Variants in MGA observed in about 807,000 individuals in gnomAD.
MGA encodes the protein MAX gene-associated protein.
In MGA, 40 loss-of-function variants were observed where a neutral mutation model predicts 261.1. The observed-to-expected ratio is 0.15, with a 90% confidence interval of 0.12 to 0.20. MGA has a LOEUF of 0.20. MGA is among the 10% of genes least tolerant of loss of function. The pLI, the probability that MGA is intolerant of heterozygous loss-of-function variation, is 1.00. For missense variants in MGA, 3,397 were observed against 3,630.5 expected (o/e 0.94, Z 1.65); for synonymous variants, 1,302 against 1,290.6 (o/e 1.01, Z -0.19).
At chr15:41,661,512 CG>C (rs1239574099) in intron 1 of MGA, among the ~76,000 whole-genome samples, 1 of 152,000 alleles carries the variant, frequency 6.6e-6, no homozygotes, top group Non-Finnish European at 1.5e-5. Flanking sequence ...TTTCTCTGGC[CG>C]GGGTGGAAGC....
chr15:41,754,246 G>T (rs552255868), intron 17 of MGA, among the ~76,000 whole-genome samples, 191 bp from the exon 18 acceptor site: 48 of 152,116 alleles, frequency 3.2e-4, no homozygotes, highest in African/African-American at 1.1e-3. Flanking sequence ...GTTCTTGATT[G>T]TTAATTCTAA....
At chr15:41,657,072 G>A (rs148913177), upstream of MGA, among the ~76,000 whole-genome samples, 376 of 151,978 alleles carry the variant, frequency 2.5e-3, no homozygotes, top group African/African-American at 8.6e-3. Flanking sequence ...GAACCACTGC[G>A]CCCAGCCCAG....
Position 41,714,163 on chromosome 15 carries a change from G to T in MGA, c.3430+667G>T, listed in dbSNP as rs542164843. Among the ~76,000 whole-genome samples, 140 of 152,102 alleles carry T rather than the reference G, an allele frequency of 9.2e-4. 2 individuals carry two copies. The South Asian group carries it at 0.029, about 31-fold the overall frequency. On this transcript the variant is annotated intron_variant, in intron 9 of 23. Coordinates refer to ENST00000219905, the MANE Select transcript of MGA (RefSeq NM_001164273.2). ...CAGGGGATTAATACTCCTTTTCTTG[G>T]CAATTTATGTTTACACTTCCTGTTG...
chr15:41,750,403 G>C lies in MGA; in HGVS notation c.6796G>C (p.Gly2266Arg). The C allele has an allele frequency of 1.2e-6, 2 of 1,613,950 alleles. No homozygotes were observed. The highest frequency in any genetic ancestry group is 1.7e-6 in the Non-Finnish European group (2 of 1,179,884). Residue 2266 changes from glycine (G) to arginine (R), a missense_variant, in exon 17 of 24, where the codon GGG becomes CGG. Around this residue, in one of 9 missense-constraint regions of MGA, gnomAD observed 1,410 missense variants for 1,386.4 expected, o/e 1.02. Coordinates refer to ENST00000219905, the MANE Select transcript of MGA (RefSeq NM_001164273.2). The stretch of plus-strand genomic sequence containing the variant: ...TAGGAGAGCTGCAAAAAGCAGCAGA[G>C]GGAATGGACATTTTCAGGGTCACTT...
chr15:41,625,484 C>T (rs1014541344), intron 1 of MGA, among the ~76,000 whole-genome samples: 5 of 151,078 alleles, frequency 3.3e-5, no homozygotes, highest in Non-Finnish European at 7.4e-5. Flanking sequence ...CAGGCACACA[C>T]TAAACGCTTG....
intron 6 of MGA, 29 bp downstream of exon 6, chr15:41,707,888 C>T: frequency 6.3e-7 from 1 of 1,589,084 alleles, no homozygotes; most frequent in Non-Finnish European, 8.5e-7. Flanking sequence ...TAAAGTCAAA[C>T]ACTATTTTTC....
At position 41,710,946 on chromosome 15, in the gene MGA, T is replaced by C; in HGVS notation, c.2681T>C (p.Val894Ala). 1 of 1,613,968 alleles carries C rather than the reference T, an allele frequency of 6.2e-7. No individual in the cohort carries two copies. Among genetic ancestry groups the C allele is most frequent in the Non-Finnish European group, 8.5e-7 (1 of 1,179,886 alleles). ...TTGAAACCTCATTCTGTACCCCCTG[T>C]CTCTCGAAAGGCAAAGTCTCAAAAC... The change falls in exon 8 of 24, where the codon GTC (valine) becomes GCC (alanine). Residue 894 changes from valine to alanine, a missense_variant. This residue lies in a region of MGA where 519 missense variants were observed against 554.1 expected (regional missense o/e 0.94). Transcript: ENST00000219905.
At chr15:41,690,966 C>A (rs1295416252) in intron 2 of MGA, among the ~76,000 whole-genome samples, 1 of 143,756 alleles carries the variant, frequency 7.0e-6, no homozygotes, top group Non-Finnish European at 1.5e-5. Context: ...CCTCTGAGAA[C>A]TTTGTTTCTA....
chr15:41,718,013 T>C (rs1406909673), intron 9 of MGA, among the ~76,000 whole-genome samples: 3 of 141,834 alleles, frequency 2.1e-5, no homozygotes, highest in Non-Finnish European at 4.6e-5. Flanking sequence ...AGACCCTGTC[T>C]CAAAAAAAAA....
chr15:41,745,744 A>G (rs1426644033), intron 15 of MGA, among the ~76,000 whole-genome samples: 3 of 151,834 alleles, frequency 2.0e-5, no homozygotes, highest in Non-Finnish European at 4.4e-5. Context: ...AGCTGGGATC[A>G]TAGGCTTGTG....
intron 7 of MGA, among the ~76,000 whole-genome samples, chr15:41,709,917 G>A (rs2060305151): frequency 6.6e-6 from 1 of 151,674 alleles, no homozygotes; most frequent in Admixed American, 6.6e-5. Context: ...CCCGTCTCGG[G>A]TTCAAGCAAT....
intron 1 of MGA, among the ~76,000 whole-genome samples, chr15:41,647,202 T>A (rs987143907): frequency 2.0e-5 from 3 of 152,224 alleles, no homozygotes; most frequent in Non-Finnish European, 4.4e-5. Context: ...CACAAACTTG[T>A]GCTTACAATT....
chr15:41,710,403 AGTTT>A (rs2060330960), intron 7 of MGA, among the ~76,000 whole-genome samples: 2 of 152,080 alleles, frequency 1.3e-5, no homozygotes, highest in Non-Finnish European at 2.9e-5. Context: ...GAGGAGGGAT[AGTTT>A]GTTTATTAAG....
chr15:41,653,926 C>G (rs115299194), intron 1 of MGA, among the ~76,000 whole-genome samples: 1 of 152,124 alleles, frequency 6.6e-6, no homozygotes, highest in Non-Finnish European at 1.5e-5. Context: ...GGTTTCACTA[C>G]ACTGTTCTGT....
intron 22 of MGA, among the ~76,000 whole-genome samples, chr15:41,763,245 G>T (rs944958242): frequency 6.6e-6 from 1 of 150,510 alleles, no homozygotes; most frequent in Admixed American, 6.6e-5. Context: ...GACTATAGGC[G>T]CCTGCCACTA....
At chr15:41,632,593 C>T (rs1246362374) in intron 1 of MGA, among the ~76,000 whole-genome samples, 3 of 152,184 alleles carry the variant, frequency 2.0e-5, no homozygotes, top group Non-Finnish European at 2.9e-5. Flanking sequence ...CAGACCTTGG[C>T]AAGCCAACAT....
chr15:41,710,625 GT>G lies in MGA; in HGVS notation c.2426-61del. 10 of 1,439,688 alleles carry G rather than the reference GT, an allele frequency of 6.9e-6. No individual in the cohort carries two copies. In the South Asian group the frequency reaches 1.4e-4, roughly 20 times the overall value. 89.2% of individuals were successfully genotyped at this position (1,439,688 alleles called of 1,614,324 possible). A position where few individuals can be genotyped will look rare whatever the true frequency, so the allele number is the denominator to read the frequency against. On this transcript the variant is annotated intron_variant, in intron 7 of 23. Coordinates refer to ENST00000219905, the MANE Select transcript of MGA (RefSeq NM_001164273.2). The stretch of plus-strand genomic sequence containing the variant: ...CTCAATATTCTTGGCCATTTTTAGT[GT>G]TTTTATGGAGATTCATAAATCTGTC...
rs373699016 is a variant in MGA, at chr15:41,668,900, G to A, written c.6G>A (p.Glu2=). 210 of 1,554,358 alleles carry A rather than the reference G, an allele frequency of 1.4e-4. No homozygotes were observed. The African/African-American group carries it at 2.5e-3, about 19-fold the overall frequency. ...CTGAGTTTCCTACTGAAATCATGGA[G>A]GAGAAACAGCAGATTATATTGGCTA... The change falls in exon 2 of 24, where the codon GAG becomes GAA. Residue 2 remains glutamate, a synonymous_variant. Coordinates refer to ENST00000219905, the MANE Select transcript of MGA (RefSeq NM_001164273.2).
chr15:41,761,426 C>A (rs2063450151), intron 20 of MGA, among the ~76,000 whole-genome samples: 1 of 152,176 alleles, frequency 6.6e-6, no homozygotes, highest in South Asian at 2.1e-4. Flanking sequence ...AGGAGTTGAT[C>A]TTAAAGTTGA....
Sources: gnomAD v4.1 joint callset for allele counts (sites outside exome capture counted in the v4.1 genomes callset) on GRCh38, gnomAD v4.1.1 for gene constraint, gnomAD v4.1.1 regional missense constraint, MANE v1.5 for transcripts, NCBI Gene and HGNC (gene_info 2026-07-23, HGNC 2026-07-21) for gene names.